Variants in COL11A1 observed in about 807,000 individuals in gnomAD.
COL11A1 encodes the protein collagen type XI alpha 1 chain, also known as collagen alpha-1(XI) chain.
In COL11A1, 74 loss-of-function variants were observed where a neutral mutation model predicts 265.2. The observed-to-expected ratio is 0.28, with a 90% CI of 0.23 to 0.34. The LOEUF is 0.34. COL11A1 is among the 10% of genes least tolerant of loss of function. The pLI is 1.00. For synonymous variants in COL11A1, 816 were observed against 727.6 expected (o/e 1.12, Z -1.96); for missense variants, 2,165 against 2,263.6 (o/e 0.96, Z 0.88).
intron 42 of COL11A1, among the ~76,000 whole-genome samples, chr1:102,945,704 A>T (rs1373998609): frequency 6.6e-6 from 1 of 152,182 alleles, no homozygotes; most frequent in East Asian, 1.9e-4. Flanking sequence ...TTGTAGGAAG[A>T]GAGAATCATT....
intron 55 of COL11A1, 29 bp from the exon 56 acceptor site, chr1:102,898,802 T>C (rs1205049081): frequency 1.3e-6 from 2 of 1,584,162 alleles, no homozygotes; most frequent in East Asian, 4.5e-5. Context: ...TGGGAGCACA[T>C]TAGTGATGAG....
intron 38 of COL11A1, among the ~76,000 whole-genome samples, chr1:102,964,415 C>A (rs1661200757): frequency 6.6e-6 from 1 of 152,098 alleles, no homozygotes; most frequent in Non-Finnish European, 1.5e-5. Flanking sequence ...AAAAAGAAGC[C>A]TTCAGCACAA....
intron 41 of COL11A1, among the ~76,000 whole-genome samples, chr1:102,950,023 CTG>C (rs1659722007): frequency 6.6e-6 from 1 of 152,174 alleles, no homozygotes; most frequent in African/African-American, 2.4e-5. Context: ...TGGCTGGGCA[CTG>C]TGTCTCATGC....
chr1:103,021,603 C>A lies in COL11A1; in HGVS notation c.1308+104G>T, dbSNP rs575744723. 2.0e-5 allele frequency: 16 copies of A among 793,126 alleles called. No individual in the cohort carries two copies. The African/African-American group carries it at 2.4e-4, about 12-fold the overall frequency. The allele number at this position is 793,126 out of a possible 1,614,324, so 49.1% of individuals were successfully genotyped here. A position where few individuals can be genotyped will look rare whatever the true frequency, so the allele number is the denominator to read the frequency against. On this transcript the variant is annotated intron_variant, in intron 9 of 66. Transcript: ENST00000370096. ...TGGTGAATTGCAAACATCTGGACATCAAGATTATCATTGGTAAAACACGAA... is the reference window on the plus strand; with the variant it reads ...TGGTGAATTGCAAACATCTGGACATAAAGATTATCATTGGTAAAACACGAA...
chr1:102,956,769 AG>A (rs1350210386), intron 41 of COL11A1, among the ~76,000 whole-genome samples: 4 of 151,874 alleles, frequency 2.6e-5, no homozygotes, highest in South Asian at 2.1e-4. Flanking sequence ...GTGTTCAAAA[AG>A]TTTTTACAAT....
chr1:102,930,979 CTCT>C (rs1553206898), intron 46 of COL11A1, among the ~76,000 whole-genome samples: 1 of 149,504 alleles, frequency 6.7e-6, no homozygotes, highest in Non-Finnish European at 1.5e-5. Flanking sequence ...TGATTCTTCT[CTCT>C]TTTTTTCTTT....
At chr1:103,069,355 A>T (rs1013740146) in intron 4 of COL11A1, among the ~76,000 whole-genome samples, 1 of 151,862 alleles carries the variant, frequency 6.6e-6, no homozygotes, top group Non-Finnish European at 1.5e-5. Context: ...GGATATGATT[A>T]TGTAGAAAAC....
At chr1:102,959,406 G>A (rs562637954) in intron 41 of COL11A1, among the ~76,000 whole-genome samples, 22 of 67,762 alleles carry the variant, frequency 3.2e-4, no homozygotes, top group East Asian at 2.1e-3. Context: ...GTATTTTCTC[G>A]CTCTTCAACG....
At chr1:102,925,039 A>G (rs937151769) in intron 46 of COL11A1, among the ~76,000 whole-genome samples, 4 of 151,908 alleles carry the variant, frequency 2.6e-5, no homozygotes, top group East Asian at 1.9e-4. Flanking sequence ...TAATGTTTGC[A>G]TAATATTTTA....
Position 102,934,562 on chromosome 1 carries a change from G to A in COL11A1, c.3493-6C>T. The A allele has an allele frequency of 6.2e-7, 1 of 1,602,918 alleles. No homozygotes were observed. Among genetic ancestry groups the A allele is most frequent in the Non-Finnish European group, 8.5e-7 (1 of 1,169,806 alleles). On this transcript the variant is annotated splice_polypyrimidine_tract_variant and splice_region_variant and intron_variant, in intron 45 of 66. Transcript: ENST00000370096. The stretch of plus-strand genomic sequence containing the variant: ...CCTGGTTCACCATCACCTCCCTAGA[G>A]AAGAGAAAGAAACATTATCACAAAC...
chr1:102,941,659 T>C (rs1658736554), intron 42 of COL11A1, among the ~76,000 whole-genome samples: 1 of 152,218 alleles, frequency 6.6e-6, no homozygotes, highest in Admixed American at 6.5e-5. Context: ...CTTTGCATAG[T>C]TAATTCCTTC....
chr1:103,064,836 A>G (rs982535316), intron 4 of COL11A1, among the ~76,000 whole-genome samples: 7 of 112,534 alleles, frequency 6.2e-5, no homozygotes, highest in African/African-American at 2.6e-4. Context: ...TAGAGGCAGT[A>G]AAAAAAAAAA....
chr1:103,073,705 T>G lies in COL11A1; in HGVS notation c.651+913A>C, dbSNP rs892166553. 2.2e-4 allele frequency among the ~76,000 whole-genome samples: 34 copies of G among 152,052 alleles called. 1 individual carries two copies. Among genetic ancestry groups the G allele is most frequent in the African/African-American group, 8.2e-4 (34 of 41,550 alleles). Reference sequence around the variant, plus strand: ...AATAAAACTACACTGTAGGATATATTTATAAGTACAGGAATGAAATAGTCT... The same window carrying G: ...AATAAAACTACACTGTAGGATATATGTATAAGTACAGGAATGAAATAGTCT... On this transcript the variant is annotated intron_variant, in intron 4 of 66. Transcript: ENST00000370096.
chr1:102,936,185 C>T (rs981961), intron 44 of COL11A1, among the ~76,000 whole-genome samples: 139,133 of 151,286 alleles, frequency 0.92, 64,552 homozygotes, highest in East Asian at 1. Context: ...ATTTGACAAA[C>T]TGAAGACATA....
intron 11 of COL11A1, among the ~76,000 whole-genome samples, chr1:103,017,315 A>G (rs1666645843): frequency 1.3e-5 from 2 of 152,118 alleles, no homozygotes; most frequent in Non-Finnish European, 2.9e-5. Context: ...CCTCTAAAGA[A>G]CAAAAGAAAG....
intron 2 of COL11A1, among the ~76,000 whole-genome samples, chr1:103,080,857 A>G (rs1263055491): frequency 6.6e-6 from 1 of 151,884 alleles, no homozygotes; most frequent in African/African-American, 2.4e-5. Context: ...CTGCACTCCT[A>G]TGTTATATTA....
rs909604616 is a variant in COL11A1, at chr1:103,002,470, C to G, written c.2055G>C (p.Gly685=). The G allele has an allele frequency of 6.2e-7, 1 of 1,609,382 alleles. No homozygotes were observed. Residue 685 remains glycine, a synonymous_variant, in exon 23 of 67, where the codon GGG becomes GGC. Coordinates refer to ENST00000370096, the MANE Select transcript of COL11A1 (RefSeq NM_001854.4). ...PGPKGNMGPQ[G]EPGPPGQQGN... Reference sequence around the variant, plus strand: ...CTTGTTGACCTGGAGGCCCAGGCTCCCCTTGGGGACCCTGCCAGAGGAAAA... The same window carrying G: ...CTTGTTGACCTGGAGGCCCAGGCTCGCCTTGGGGACCCTGCCAGAGGAAAA...
Position 103,005,904 on chromosome 1 carries a change from CAT to C in COL11A1, c.1792-15_1792-14del, listed in dbSNP as rs1190829526. ...ACCCTCGATCTCCCTGTAAAACCAT[CAT>C]CATCATCATCATCATCATCATCATC... On this transcript the variant is annotated splice_polypyrimidine_tract_variant and intron_variant, in intron 17 of 66. Coordinates refer to ENST00000370096, the MANE Select transcript of COL11A1 (RefSeq NM_001854.4). 1.3e-5 allele frequency: 11 copies of C among 830,730 alleles called. No individual in the cohort carries two copies. The African/African-American group carries it at 2.6e-4, about 19-fold the overall frequency. The allele number at this position is 830,730 out of a possible 1,614,324, so 51.5% of individuals were successfully genotyped here. A position where few individuals can be genotyped will look rare whatever the true frequency, so the allele number is the denominator to read the frequency against.
At chr1:103,105,545 G>C (rs927305809) in intron 1 of COL11A1, among the ~76,000 whole-genome samples, 1 of 151,878 alleles carries the variant, frequency 6.6e-6, no homozygotes, top group African/African-American at 2.4e-5. Flanking sequence ...ATGTTTTAAG[G>C]TTTTAATGTT....
Sources: allele counts gnomAD v4.1 joint callset (sites outside exome capture counted in the v4.1 genomes callset), GRCh38; gene constraint gnomAD v4.1.1; transcripts MANE v1.5; gene names NCBI Gene and HGNC (gene_info 2026-07-23, HGNC 2026-07-21).